The following TASP1 variants were observed in gnomAD, a reference collection of about 807,000 sequenced individuals.
The protein encoded by TASP1 is threonine aspartase 1.
Under a neutral mutation model 56.6 loss-of-function variants are expected in TASP1, and 16 were observed. That is an observed-to-expected ratio of 0.28 (90% confidence interval 0.19 to 0.43). The LOEUF is 0.43. Ranked by LOEUF, TASP1 falls within the 20% of genes least tolerant of loss-of-function variation. TASP1 has a pLI of 1.00. For synonymous variants in TASP1, 179 were observed against 184.2 expected (o/e 0.97, Z 0.23); for missense variants, 393 against 511.6 (o/e 0.77, Z 2.24).
At chr20:13,228,220 G>T in the TASP1 span, among the ~76,000 whole-genome samples, 1 of 151,756 alleles carries the variant, frequency 6.6e-6, no homozygotes, top group Non-Finnish European at 1.5e-5. Context: ...TGATCTGCCC[G>T]TCCTGGCCTC....
the TASP1 span, chr20:13,288,819 CT>C: frequency 1.1e-6 from 1 of 896,946 alleles, no homozygotes; most frequent in Non-Finnish European, 1.7e-6. Flanking sequence ...GAGTCTCTCC[CT>C]GTCGCCCAGG....
the TASP1 span, among the ~76,000 whole-genome samples, chr20:13,255,362 G>GAGTTTACAGTTTAC: frequency 6.6e-6 from 1 of 152,188 alleles, no homozygotes; most frequent in Non-Finnish European, 1.5e-5. Context: ...TTGTACAGTT[G>GAGTTTACAGTTTAC]AGTTTACAGT....
chr20:13,494,972 A>C lies in TASP1; in HGVS notation c.875-11635T>G, dbSNP rs535913863. 1.7e-4 allele frequency among the ~76,000 whole-genome samples: 26 copies of C among 152,092 alleles called. 2 individuals are homozygous for C. The East Asian group carries it at 5.0e-3, about 29-fold the overall frequency. ...AGCCAGAAAAAAAAAACCAAAGCCA[A>C]AATGCAGTTATAAACATCTACAAAT... On this transcript the variant is annotated intron_variant, in intron 10 of 13. Coordinates refer to ENST00000337743, the MANE Select transcript of TASP1 (RefSeq NM_017714.3).
chr20:13,217,617 G>T, the TASP1 span, among the ~76,000 whole-genome samples: 1 of 152,108 alleles, frequency 6.6e-6, no homozygotes, highest in Non-Finnish European at 1.5e-5. Context: ...GAGGCAGAAT[G>T]GTTATAAAAG....
At chr20:13,568,800 T>C (rs1275918049) in intron 7 of TASP1, among the ~76,000 whole-genome samples, 2 of 152,186 alleles carry the variant, frequency 1.3e-5, no homozygotes, top group Non-Finnish European at 2.9e-5. Flanking sequence ...CTCTAAAATC[T>C]CTGCCAATTC....
At chr20:13,228,123 C>T in the TASP1 span, among the ~76,000 whole-genome samples, 2 of 151,960 alleles carry the variant, frequency 1.3e-5, no homozygotes, top group African/African-American at 2.4e-5. Flanking sequence ...CAGGTACCCA[C>T]CACCATGCCC....
chr20:13,519,852 T>C (rs923089992), intron 10 of TASP1, among the ~76,000 whole-genome samples: 6 of 152,220 alleles, frequency 3.9e-5, no homozygotes, highest in Non-Finnish European at 7.3e-5. Context: ...GCAGATGACA[T>C]GATTGTATAT....
chr20:13,189,643 A>G, the TASP1 span, among the ~76,000 whole-genome samples: 1 of 151,994 alleles, frequency 6.6e-6, no homozygotes, highest in Admixed American at 6.6e-5. Flanking sequence ...TTATTAAATA[A>G]AAAAAATAGC....
intron 4 of TASP1, among the ~76,000 whole-genome samples, chr20:13,599,046 G>A (rs770199484): frequency 2.6e-5 from 4 of 152,196 alleles, no homozygotes; most frequent in Non-Finnish European, 5.9e-5. Flanking sequence ...TGGAGAGGAT[G>A]TGGAGAAATA....
chr20:13,123,056 C>T, the TASP1 span, among the ~76,000 whole-genome samples: 19 of 152,100 alleles, frequency 1.2e-4, no homozygotes, highest in African/African-American at 3.1e-4. Context: ...CTCGGCCAGG[C>T]GTGGTGGCTC....
intron 2 of TASP1, among the ~76,000 whole-genome samples, chr20:13,627,897 C>T (rs1480575810): frequency 1.3e-5 from 2 of 152,056 alleles, no homozygotes; most frequent in Admixed American, 6.5e-5. Context: ...CAGATCACTG[C>T]CCCTTCTCAC....
the TASP1 span, among the ~76,000 whole-genome samples, chr20:13,237,204 T>C: frequency 6.7e-3 from 1,026 of 152,298 alleles, 11 homozygotes; most frequent in African/African-American, 0.023. Flanking sequence ...ACAGCCAACA[T>C]ATCAACATGC....
At chr20:13,624,880 T>C (rs1252186299) in intron 3 of TASP1, among the ~76,000 whole-genome samples, 5 of 143,986 alleles carry the variant, frequency 3.5e-5, no homozygotes, top group Non-Finnish European at 7.4e-5. Flanking sequence ...GCCTTTAAGC[T>C]GTTTTCTCTA....
chr20:13,453,752 T>C (rs2043718921), intron 11 of TASP1, among the ~76,000 whole-genome samples: 1 of 152,052 alleles, frequency 6.6e-6, no homozygotes, highest in Admixed American at 6.6e-5. Flanking sequence ...TGGTCCCAGG[T>C]CACAGGAAGG....
chr20:13,472,869 G>A (rs1405626711), intron 11 of TASP1, among the ~76,000 whole-genome samples: 5 of 151,658 alleles, frequency 3.3e-5, no homozygotes, highest in Admixed American at 1.3e-4. Flanking sequence ...AAATAGGAAC[G>A]CTTTTACACT....
chr20:13,582,276 T>C (rs549271337), intron 5 of TASP1, among the ~76,000 whole-genome samples: 4 of 152,102 alleles, frequency 2.6e-5, no homozygotes, highest in East Asian at 1.9e-4. Flanking sequence ...ATAAATCCAA[T>C]TTATAACTTT....
At chr20:13,608,867 A>G (rs1452796348) in intron 4 of TASP1, among the ~76,000 whole-genome samples, 2 of 152,272 alleles carry the variant, frequency 1.3e-5, no homozygotes, top group African/African-American at 4.8e-5. Context: ...ACAATAAGAA[A>G]TTAAATACAT....
chr20:13,501,904 A>G (rs1377262604), intron 10 of TASP1, among the ~76,000 whole-genome samples: 2 of 152,010 alleles, frequency 1.3e-5, no homozygotes, highest in Non-Finnish European at 2.9e-5. Flanking sequence ...GTTACATAAA[A>G]ACAAAGCAAA....
chr20:13,193,884 T>C, the TASP1 span, among the ~76,000 whole-genome samples: 1 of 152,196 alleles, frequency 6.6e-6, no homozygotes, highest in Middle Eastern at 3.2e-3. Flanking sequence ...GTGCTTTCCC[T>C]GCAATTCCCT....
Sources: gnomAD v4.1 joint callset for allele counts (sites outside exome capture counted in the v4.1 genomes callset) on GRCh38, gnomAD v4.1.1 for gene constraint, MANE v1.5 for transcripts, NCBI Gene and HGNC (gene_info 2026-07-23, HGNC 2026-07-21) for gene names.